The following RBM26 variants were observed in gnomAD, a reference collection of about 807,000 sequenced individuals.
The protein encoded by RBM26 is RNA-binding protein 26.
Under a neutral mutation model 123.6 loss-of-function variants are expected in RBM26, and 30 were observed. The ratio of observed to expected loss-of-function variants is 0.24; its 90% CI spans 0.18 to 0.33. RBM26 has a LOEUF of 0.33. Among genes scored for constraint, RBM26 ranks in the 10% least tolerant of loss-of-function variants. The probability of loss-of-function intolerance (pLI) is 1.00; values close to 1 mark genes in which losing one functional copy is unlikely to be tolerated. For synonymous variants in RBM26, 400 were observed against 404.4 expected (o/e 0.99, Z 0.13); for missense variants, 947 against 1,203.6 (o/e 0.79, Z 3.15).
At chr13:79,392,867 C>T (rs886915309) in intron 1 of RBM26, among the ~76,000 whole-genome samples, 1 of 150,674 alleles carries the variant, frequency 6.6e-6, no homozygotes, top group Admixed American at 6.6e-5. Context: ...AGCAAAGAAA[C>T]TCATGTTTAC....
intron 13 of RBM26, among the ~76,000 whole-genome samples, 156 bp downstream of exon 13, chr13:79,354,282 TA>T (rs11313343): frequency 0.064 from 8,845 of 138,834 alleles, 301 homozygotes; most frequent in Middle Eastern, 0.24. Flanking sequence ...TGGTAAAAAT[TA>T]AAAAAAAAAA....
chr13:79,399,214 G>A (rs2078855354), intron 1 of RBM26, among the ~76,000 whole-genome samples: 1 of 152,126 alleles, frequency 6.6e-6, no homozygotes, highest in South Asian at 2.1e-4. Context: ...CACAAAGAAA[G>A]GATATAAAGA....
At chr13:79,351,888 T>A (rs1459181999) in intron 14 of RBM26, among the ~76,000 whole-genome samples, 2 of 152,080 alleles carry the variant, frequency 1.3e-5, no homozygotes, top group African/African-American at 4.8e-5. Flanking sequence ...AGGATGCCAG[T>A]TAAGACACTG....
intron 18 of RBM26, among the ~76,000 whole-genome samples, chr13:79,339,494 C>A (rs2071018030): frequency 6.6e-6 from 1 of 152,106 alleles, no homozygotes; most frequent in South Asian, 2.1e-4. Flanking sequence ...TCACAACTTA[C>A]ACATATATCA....
chr13:79,383,836 T>G (rs2077263226), intron 1 of RBM26, among the ~76,000 whole-genome samples: 1 of 152,158 alleles, frequency 6.6e-6, no homozygotes, highest in Admixed American at 6.5e-5. Context: ...AAACAAGTAT[T>G]ATTTAAGATC....
At chr13:79,311,849 T>A (rs1187278302) in exon 5 of RBM26, 1 of 152,082 alleles carries the variant, frequency 6.6e-6, no homozygotes, top group Non-Finnish European at 1.5e-5. Flanking sequence ...GACTTTTATT[T>A]TAAAAATTTT....
At chr13:79,366,308 A>G in intron 7 of RBM26, 113 bp from the exon 8 acceptor site, 1 of 1,141,686 alleles carries the variant, frequency 8.8e-7, no homozygotes, top group Non-Finnish European at 1.2e-6. Context: ...TACAAACACC[A>G]AGCCCTTACA....
chr13:79,369,448 T>C (rs2075658492), intron 5 of RBM26, among the ~76,000 whole-genome samples: 1 of 152,070 alleles, frequency 6.6e-6, no homozygotes, highest in Non-Finnish European at 1.5e-5. Context: ...ACAAAGAAAT[T>C]AACTAGACTA....
downstream of RBM26, among the ~76,000 whole-genome samples, chr13:79,317,758 A>G (rs937641817): frequency 4.6e-5 from 7 of 151,742 alleles, no homozygotes; most frequent in Non-Finnish European, 8.9e-5. Context: ...CCCACAAGTG[A>G]CAAACTCAAA....
chr13:79,373,479 CAAAT>C (rs2076296002), intron 3 of RBM26, among the ~76,000 whole-genome samples: 1 of 1,476 alleles, frequency 6.8e-4, no homozygotes, highest in Non-Finnish European at 1.8e-3. Context: ...TATAAATATA[CAAAT>C]ATATATAATA....
At chr13:79,318,687 T>C, downstream of RBM26, 1 of 548,550 alleles carries the variant, frequency 1.8e-6, no homozygotes, top group Non-Finnish European at 2.3e-6. Flanking sequence ...ACAGAATATG[T>C]ATTTTCAGTT....
At chr13:79,386,038 T>C (rs1481825474) in intron 1 of RBM26, among the ~76,000 whole-genome samples, 1 of 151,946 alleles carries the variant, frequency 6.6e-6, no homozygotes, top group East Asian at 1.9e-4. Context: ...AGGTCAGGGA[T>C]AGGCAGAGCT....
intron 5 of RBM26, 53 bp from the exon 6 acceptor site, chr13:79,369,043 AG>A (rs2075614915): frequency 1.0e-6 from 1 of 999,322 alleles, no homozygotes; most frequent in South Asian, 2.5e-5. Context: ...AAAAAAAAAA[AG>A]TCCCAGATCT....
At chr13:79,345,683 A>C (rs1219911689) in intron 14 of RBM26, among the ~76,000 whole-genome samples, 1 of 152,110 alleles carries the variant, frequency 6.6e-6, no homozygotes, top group Non-Finnish European at 1.5e-5. Flanking sequence ...TTACAAACCC[A>C]AAAATGCATT....
chr13:79,326,415 T>A (rs1288807121), intron 20 of RBM26, among the ~76,000 whole-genome samples: 1 of 152,048 alleles, frequency 6.6e-6, no homozygotes, highest in Non-Finnish European at 1.5e-5. Flanking sequence ...GGCTAGGACG[T>A]AGTGGTCAAA....
intron 11 of RBM26, among the ~76,000 whole-genome samples, chr13:79,355,830 T>G (rs1366868306): frequency 6.9e-6 from 1 of 145,022 alleles, no homozygotes; most frequent in Non-Finnish European, 1.5e-5. Flanking sequence ...ATTCTCACAT[T>G]TCCAAAAGCA....
At chr13:79,315,985 A>C (rs2067106076), downstream of RBM26, among the ~76,000 whole-genome samples, 1 of 151,858 alleles carries the variant, frequency 6.6e-6, no homozygotes, top group South Asian at 2.1e-4. Context: ...GTAGTTCCTG[A>C]GATCTGGGAA....
chr13:79,405,184 G>A (rs1195415967), intron 1 of RBM26, among the ~76,000 whole-genome samples: 3 of 152,196 alleles, frequency 2.0e-5, no homozygotes, highest in Non-Finnish European at 4.4e-5. Context: ...CGGGAAAGGG[G>A]AATTTTACTG....
chr13:79,384,705 A>T (rs2077343292), intron 1 of RBM26, among the ~76,000 whole-genome samples: 1 of 152,216 alleles, frequency 6.6e-6, no homozygotes, highest in Admixed American at 6.5e-5. Context: ...AAGTTACAGA[A>T]GCCAAATTAA....
Sources: allele counts gnomAD v4.1 joint callset (sites outside exome capture counted in the v4.1 genomes callset), GRCh38; gene constraint gnomAD v4.1.1; transcripts MANE v1.5; gene names NCBI Gene and HGNC (gene_info 2026-07-23, HGNC 2026-07-21).